ROBO2: variants seen among roughly 807,000 people sequenced by gnomAD.
ROBO2 encodes the protein roundabout guidance receptor 2.
ROBO2 carries 53 observed loss-of-function variants against 160.8 expected under a neutral mutation model. The ratio of observed to expected loss-of-function variants is 0.33; its 90% CI spans 0.26 to 0.41. ROBO2 has a LOEUF of 0.41. Ranked by LOEUF, ROBO2 falls within the 10% of genes least tolerant of loss-of-function variation. ROBO2 has a pLI of 1.00. For synonymous variants in ROBO2, 664 were observed against 611.7 expected (o/e 1.09, Z -1.26); for missense variants, 1,577 against 1,722.4 (o/e 0.92, Z 1.49).
chr3:76,436,159 A>AACACACACACACACACACAC (rs3065704), intron 2 of ROBO2, among the ~76,000 whole-genome samples: 13,537 of 140,362 alleles, frequency 0.096, 794 homozygotes, highest in African/African-American at 0.14. Context: ...TTAAAAGGAA[A>AACACACACACACACACACAC]ACACACACAC....
chr3:76,800,683 C>A (rs1056075971), intron 2 of ROBO2, among the ~76,000 whole-genome samples: 5 of 152,140 alleles, frequency 3.3e-5, no homozygotes, highest in African/African-American at 7.2e-5. Context: ...TACCATCTCA[C>A]CCCAGCTAAA....
intron 2 of ROBO2, among the ~76,000 whole-genome samples, chr3:76,177,062 A>G (rs1575761286): frequency 6.6e-6 from 1 of 152,170 alleles, no homozygotes; most frequent in Non-Finnish European, 1.5e-5. Context: ...AATTGTTTTC[A>G]GTGAATGCAA....
chr3:75,999,602 A>T (rs2065825585), intron 2 of ROBO2, among the ~76,000 whole-genome samples: 1 of 152,180 alleles, frequency 6.6e-6, no homozygotes, highest in Admixed American at 6.6e-5. Context: ...TGTGTGTGGC[A>T]TGTGCATGAA....
At chr3:76,258,580 T>C (rs145470192) in intron 2 of ROBO2, among the ~76,000 whole-genome samples, 1 of 152,180 alleles carries the variant, frequency 6.6e-6, no homozygotes, top group East Asian at 1.9e-4. Context: ...ATGTTATTTG[T>C]AAATATCTGG....
intron 2 of ROBO2, among the ~76,000 whole-genome samples, chr3:76,849,576 A>G (rs1371583179): frequency 6.6e-6 from 1 of 152,230 alleles, no homozygotes; most frequent in Non-Finnish European, 1.5e-5. Flanking sequence ...TAAATTATAA[A>G]TGCTAATTTT....
intron 2 of ROBO2, among the ~76,000 whole-genome samples, chr3:76,942,579 C>T (rs914398552): frequency 6.6e-6 from 1 of 152,150 alleles, no homozygotes; most frequent in Non-Finnish European, 1.5e-5. Context: ...CCTGGGGATG[C>T]TTTTCTACAC....
chr3:75,956,399 T>C (rs1948724354), intron 2 of ROBO2, among the ~76,000 whole-genome samples: 1 of 151,728 alleles, frequency 6.6e-6, no homozygotes, highest in Non-Finnish European at 1.5e-5. Context: ...ACTTATGCAT[T>C]ACAAATAAAA....
chr3:76,571,017 A>G (rs2084921331), intron 2 of ROBO2, among the ~76,000 whole-genome samples: 1 of 152,184 alleles, frequency 6.6e-6, no homozygotes, highest in Non-Finnish European at 1.5e-5. Context: ...AAGTCTTAAA[A>G]TATCATGTGC....
chr3:76,911,126 G>T (rs962227839), intron 2 of ROBO2, among the ~76,000 whole-genome samples: 3 of 152,156 alleles, frequency 2.0e-5, no homozygotes, highest in African/African-American at 7.2e-5. Context: ...AAATGAAAAA[G>T]TATGGTACTT....
intron 2 of ROBO2, among the ~76,000 whole-genome samples, chr3:75,995,217 C>T (rs1024060805): frequency 1.6e-4 from 24 of 152,142 alleles, no homozygotes; most frequent in Admixed American, 3.9e-4. Context: ...GAGGTCTTCA[C>T]AGCAGCCCTT....
chr3:76,715,171 A>C (rs565225608), intron 2 of ROBO2, among the ~76,000 whole-genome samples: 1 of 152,206 alleles, frequency 6.6e-6, no homozygotes, highest in African/African-American at 2.4e-5. Context: ...AGAGACCCAA[A>C]CCCACATTAA....
At chr3:77,570,989 G>T (rs562822357) in intron 13 of ROBO2, among the ~76,000 whole-genome samples, 15 of 152,004 alleles carry the variant, frequency 9.9e-5, no homozygotes, top group African/African-American at 3.4e-4. Flanking sequence ...TTTAGAATGA[G>T]TGTGGGCAAA....
At chr3:76,695,763 T>G (rs2092914309) in intron 2 of ROBO2, among the ~76,000 whole-genome samples, 1 of 152,112 alleles carries the variant, frequency 6.6e-6, no homozygotes, top group East Asian at 1.9e-4. Flanking sequence ...GAACAGAGGC[T>G]CAGAGAGGTT....
At chr3:76,352,089 T>G (rs550547659) in intron 2 of ROBO2, among the ~76,000 whole-genome samples, 1 of 152,042 alleles carries the variant, frequency 6.6e-6, no homozygotes, top group African/African-American at 2.4e-5. Context: ...ACAGAACTTA[T>G]GTGGATGAAG....
At chr3:76,911,322 G>T (rs1249822526) in intron 2 of ROBO2, among the ~76,000 whole-genome samples, 1 of 152,106 alleles carries the variant, frequency 6.6e-6, no homozygotes, top group Non-Finnish European at 1.5e-5. Context: ...GGAATCTAAT[G>T]CTACTTTGTA....
At position 76,158,193 on chromosome 3, in the gene ROBO2, A is replaced by G. The variant is rs77713415; in HGVS notation, c.109+220591A>G. Among the ~76,000 whole-genome samples, 1,090 of 152,170 alleles carry G rather than the reference A, an allele frequency of 7.2e-3. 29 individuals carry two copies. The East Asian group carries it at 0.087, about 12-fold the overall frequency. On this transcript the variant is annotated intron_variant, in intron 2 of 26. Coordinates refer to the ROBO2 transcript ENST00000487694. ...TAAGCCAGAAAGCTGGAAGTCACCT[A>G]ATCTACATCTCTGCTCTTACTACCA...
chr3:77,579,785 C>T (rs111532163), intron 15 of ROBO2, among the ~76,000 whole-genome samples, 162 bp from the exon 17 acceptor site: 2,489 of 152,282 alleles, frequency 0.016, 77 homozygotes, highest in African/African-American at 0.056. Flanking sequence ...CATATACACT[C>T]AAACTGCAGA....
At chr3:77,503,115 G>A (rs2087863053) in intron 5 of ROBO2, among the ~76,000 whole-genome samples, 1 of 151,842 alleles carries the variant, frequency 6.6e-6, no homozygotes, top group South Asian at 2.1e-4. Context: ...TGAGGGGATG[G>A]ATAGATACCC....
chr3:76,119,006 A>G (rs2070602291), intron 2 of ROBO2, among the ~76,000 whole-genome samples: 1 of 152,134 alleles, frequency 6.6e-6, no homozygotes, highest in African/African-American at 2.4e-5. Flanking sequence ...GATCTTCTTC[A>G]GTTGCTTTCT....
Sources: allele counts gnomAD v4.1 joint callset (sites outside exome capture counted in the v4.1 genomes callset), GRCh38; gene constraint gnomAD v4.1.1; transcripts MANE v1.5; gene names NCBI Gene and HGNC (gene_info 2026-07-23, HGNC 2026-07-21).